The following ARHGAP45 variants were observed in gnomAD, a reference collection of about 807,000 sequenced individuals.
ARHGAP45 encodes the protein Rho GTPase activating protein 45.
A neutral mutation model predicts 116.1 loss-of-function variants in ARHGAP45; 56 were observed. The observed-to-expected ratio is 0.48, with a 90% CI of 0.39 to 0.60. ARHGAP45 has a LOEUF of 0.60. Ranked by LOEUF, ARHGAP45 falls within the 20% of genes least tolerant of loss-of-function variation. The pLI, the probability that ARHGAP45 is intolerant of heterozygous loss-of-function variation, is 0.00. For synonymous variants in ARHGAP45, 866 were observed against 701.7 expected (o/e 1.23, Z -3.70); for missense variants, 1,622 against 1,601.0 (o/e 1.01, Z -0.22).
Position 1,081,825 on chromosome 19 carries a change from G to T in ARHGAP45, c.2381G>T (p.Gly794Val). 1 of 1,607,320 alleles carries T rather than the reference G, an allele frequency of 6.2e-7. No individual in the cohort carries two copies. The change falls in exon 19 of 23, where the codon GGC becomes GTC. Residue 794 changes from glycine (G) to valine (V), a missense_variant and splice_region_variant. Gly to Val is a moderately radical substitution (Grantham distance 109). This residue lies in a region of ARHGAP45 where 1,334 missense variants were observed against 1,263.8 expected (regional missense o/e 1.06). Coordinates refer to ENST00000313093, the MANE Select transcript of ARHGAP45 (RefSeq NM_012292.5). Reference protein sequence around the residue: ...EIERRALRTKGIYRVNGVKTR... With the variant: ...EIERRALRTKVIYRVNGVKTR... ...CTCCCCACCCCCGGGCTCCCGCAGG[G>T]CATCTACCGGGTCAATGGGGTAAAG... is the stretch of plus-strand genomic sequence containing the variant.
chr19:1,075,634 G>C (rs995635441), intron 10 of ARHGAP45, among the ~76,000 whole-genome samples: 2 of 149,402 alleles, frequency 1.3e-5, no homozygotes, highest in Admixed American at 1.3e-4. Flanking sequence ...CTTGTTTTGA[G>C]ATAAGGTCTC....
chr19:1,075,256 T>G (rs1190692361), intron 10 of ARHGAP45, among the ~76,000 whole-genome samples: 1 of 143,766 alleles, frequency 7.0e-6, no homozygotes, highest in African/African-American at 2.8e-5. Flanking sequence ...TTTTTTTTGA[T>G]ACGGAGTCTC....
At chr19:1,082,704 C>G in intron 19 of ARHGAP45, 136 bp from the exon 20 acceptor site, 1 of 737,156 alleles carries the variant, frequency 1.4e-6, no homozygotes, top group Non-Finnish European at 2.1e-6. Flanking sequence ...GGACTGACGC[C>G]GCTCTGGGTG....
At position 1,069,512 on chromosome 19, in the gene ARHGAP45, C is replaced by T. The variant is rs2043099542; in HGVS notation, c.421+768C>T. Among the ~76,000 whole-genome samples the T allele has an allele frequency of 6.6e-6, 1 of 152,218 alleles. No homozygotes were observed. Among genetic ancestry groups the T allele is most frequent in the Non-Finnish European group, 1.5e-5 (1 of 68,032 alleles). On this transcript the variant is annotated intron_variant, in intron 2 of 22. Transcript: ENST00000313093. This position sits in a 1 kb window ranked among gnomAD's most constrained non-coding sequence, Gnocchi z 4.1. ...CATTTTACAGATGACGAAACTAAGT[C>T]TCTAGTGAGGCCCTGACCCCTGGCT...
chr19:1,076,685 T>C (rs113660440), intron 10 of ARHGAP45, among the ~76,000 whole-genome samples: 3,783 of 151,828 alleles, frequency 0.025, 158 homozygotes, highest in African/African-American at 0.086. Flanking sequence ...TTAGTAGAGA[T>C]GGGGTTTCAC....
chr19:1,079,211 G>A (rs1001796976), intron 11 of ARHGAP45, among the ~76,000 whole-genome samples: 1 of 149,666 alleles, frequency 6.7e-6, no homozygotes, highest in Non-Finnish European at 1.5e-5. Context: ...ATAAAGATGG[G>A]GGTCTCAGGC....
Position 1,080,750 on chromosome 19 carries a change from C to A in ARHGAP45, c.1981C>A (p.Pro661Thr). The change falls in exon 16 of 23, where the codon CCA becomes ACA. Residue 661 changes from proline to threonine, a missense_variant. By Grantham distance (38) the Pro-to-Thr change is conservative. Transcript: ENST00000313093. ...GTCGTCCACGGAGGAGCTGGTGGAC[C>A]CAGACGGTGGAGCCGGGGCTTCAGC... ...TMSSTEELVD[P>T]DGGAGASAFE... 6.2e-7 allele frequency: 1 copy of A among 1,613,526 alleles called. No homozygotes were observed. The highest frequency in any genetic ancestry group is 1.1e-5 in the South Asian group (1 of 91,078).
At chr19:1,072,380 C>T (rs2043156989) in intron 2 of ARHGAP45, among the ~76,000 whole-genome samples, 1 of 152,152 alleles carries the variant, frequency 6.6e-6, no homozygotes, top group Non-Finnish European at 1.5e-5. Context: ...TTTTCTTCTT[C>T]CAATTGAGAA....
At chr19:1,074,316 C>T (rs12974537) in intron 7 of ARHGAP45, 27 bp from the exon 8 acceptor site, 123,444 of 1,611,440 alleles carry the variant, frequency 0.077, 5,591 homozygotes, top group Non-Finnish European at 0.091. Flanking sequence ...CTTGTCCCAG[C>T]ACCTCACACC....
rs899133587 is a variant in ARHGAP45 at position 1,085,500 on chromosome 19, T to TTGTCTCTCCTCCATCTCTCC, written c.3065-150_3065-131dup. ...TCTCTCCATCTGTCTGTCCCTCCCC[T>TTGTCTCTCCTCCATCTCTCC]TGTCTCTCCTCCATCTCTCCTGTCT... is the stretch of plus-strand genomic sequence containing the variant. On this transcript the variant is annotated intron_variant, in intron 22 of 22. Coordinates refer to ENST00000313093, the MANE Select transcript of ARHGAP45 (RefSeq NM_012292.5). 4.3e-4 allele frequency among the ~76,000 whole-genome samples: 41 copies of TTGTCTCTCCTCCATCTCTCC among 95,246 alleles called. 1 individual carries two copies. Among genetic ancestry groups the TTGTCTCTCCTCCATCTCTCC allele is most frequent in the Admixed American group, 6.0e-4 (5 of 8,354 alleles). 62.5% of individuals were successfully genotyped at this position (95,246 alleles called of 152,430 possible). A position where few individuals can be genotyped will look rare whatever the true frequency, so the allele number is the denominator to read the frequency against.
intron 1 of ARHGAP45, chr19:1,067,697 C>T: frequency 1.4e-6 from 1 of 705,942 alleles, no homozygotes; most frequent in Middle Eastern, 2.5e-4. Context: ...GGAGTGGTGG[C>T]CGCCTCCCTC....
In ARHGAP45 at chr19:1,086,350, G is replaced by C; in HGVS notation, c.*344G>C. On this transcript the variant is annotated 3_prime_UTR_variant, in exon 23 of 23. Transcript: ENST00000313093. ...CAGTGCATCCCCCAGGTCATCACGGGGACGCAGGAGGCAGGCCCTGCCCTG... is the reference window on the plus strand; with the variant it reads ...CAGTGCATCCCCCAGGTCATCACGGCGACGCAGGAGGCAGGCCCTGCCCTG... 3.7e-6 allele frequency: 1 copy of C among 267,606 alleles called. No homozygotes were observed. The highest frequency in any genetic ancestry group is 8.5e-5 in the East Asian group (1 of 11,826). The allele number at this position is 267,606 out of a possible 1,614,324, so 16.6% of individuals were successfully genotyped here.
At position 1,073,843 on chromosome 19, in the gene ARHGAP45, C is replaced by A; in HGVS notation, c.723+97C>A. ...AGACAGTCACCCTGCTTCCCCTGTG[C>A]GCCTTGGTTTCCCTCTCTGGGGGAG... On this transcript the variant is annotated intron_variant, in intron 5 of 22. Transcript: ENST00000313093. 3 of 1,530,048 alleles carry A rather than the reference C, an allele frequency of 2.0e-6. No individual in the cohort carries two copies. The Admixed American group carries it at 5.9e-5, about 30-fold the overall frequency. 94.8% of individuals were successfully genotyped at this position (1,530,048 alleles called of 1,614,324 possible). A position where few individuals can be genotyped will look rare whatever the true frequency, so the allele number is the denominator to read the frequency against.
At position 1,078,015 on chromosome 19, in the gene ARHGAP45, G is replaced by A. The variant is rs1192793843; in HGVS notation, c.1344G>A (p.Arg448=). The change falls in exon 11 of 23, where the codon CGG becomes CGA. Residue 448 remains arginine, a synonymous_variant. Transcript: ENST00000313093. ...CGGCCACCAAGACCCTGGACAAGCG[G>A]CGGCGGCTGGAGGAGGAGGCCAAGA... ...GSTATKTLDK[R]RRLEEEAKNK... 6.4e-7 allele frequency: 1 copy of A among 1,553,592 alleles called. No individual in the cohort carries two copies. Among genetic ancestry groups the A allele is most frequent in the East Asian group, 2.4e-5 (1 of 41,656 alleles).
chr19:1,080,422 C>T (rs1464001445), intron 14 of ARHGAP45, 42 bp from the exon 15 acceptor site: 2 of 1,610,320 alleles, frequency 1.2e-6, no homozygotes, highest in East Asian at 2.2e-5. Context: ...TGGCTCCCTG[C>T]GACCCACCCT....
intron 11 of ARHGAP45, among the ~76,000 whole-genome samples, chr19:1,078,722 T>A (rs1247227637): frequency 6.7e-6 from 1 of 150,312 alleles, no homozygotes. Context: ...ATTTTTAAAT[T>A]ATTATTATTT....
chr19:1,076,482 T>G (rs920295830), intron 10 of ARHGAP45, among the ~76,000 whole-genome samples: 2 of 119,660 alleles, frequency 1.7e-5, no homozygotes, highest in African/African-American at 6.9e-5. Context: ...TTGGCAGTAG[T>G]CTTTTTTTTT....
Position 1,080,621 on chromosome 19 carries a change from C to T in ARHGAP45, c.1913-61C>T, listed in dbSNP as rs1318742758. 16 of 1,593,644 alleles carry T rather than the reference C, an allele frequency of 1.0e-5. No homozygotes were observed. The East Asian group carries it at 1.8e-4, about 18-fold the overall frequency. On this transcript the variant is annotated intron_variant, in intron 15 of 22. Coordinates refer to ENST00000313093, the MANE Select transcript of ARHGAP45 (RefSeq NM_012292.5). ...TGAGCCTCAGGGTTTCATCACCCAC[C>T]GGGGTGATGGAGGGGGCCCCCCTGG...
chr19:1,074,497 GC>G (rs2043200139), intron 8 of ARHGAP45, 90 bp downstream of exon 8: 1 of 1,409,846 alleles, frequency 7.1e-7, no homozygotes, highest in Non-Finnish European at 9.5e-7. Flanking sequence ...AAGAGCAGGG[GC>G]TTCCCCTCTA....
Sources: allele counts gnomAD v4.1 joint callset (sites outside exome capture counted in the v4.1 genomes callset), GRCh38; gene constraint gnomAD v4.1.1; regional missense constraint gnomAD v4.1.1; non-coding constraint Gnocchi (gnomAD v3.1); transcripts MANE v1.5; gene names NCBI Gene and HGNC (gene_info 2026-07-23, HGNC 2026-07-21).